The following FER variants were observed in gnomAD, a reference collection of about 807,000 sequenced individuals.
The protein encoded by FER is tyrosine-protein kinase Fer.
Under a neutral mutation model 111.0 loss-of-function variants are expected in FER, and 63 were observed. The observed-to-expected ratio is 0.57, with a 90% confidence interval of 0.46 to 0.70. FER has a LOEUF of 0.70. Among genes scored for constraint, FER ranks in the 30% least tolerant of loss-of-function variants. The pLI is 0.00. For synonymous variants in FER, 327 were observed against 313.9 expected, an observed-to-expected ratio of 1.04 and a Z score of -0.44; for missense variants, 914 against 954.0, an observed-to-expected ratio of 0.96 and a Z score of 0.55.
chr5:109,180,191 C>A (rs531383388), intron 17 of FER, among the ~76,000 whole-genome samples: 1 of 152,260 alleles, frequency 6.6e-6, no homozygotes, highest in African/African-American at 2.4e-5. Flanking sequence ...CCAGATGCAG[C>A]AGAAAAAGAG....
chr5:109,068,987 T>C (rs1013549359), intron 16 of FER, among the ~76,000 whole-genome samples: 1 of 152,346 alleles, frequency 6.6e-6, no homozygotes, highest in African/African-American at 2.4e-5. Flanking sequence ...TTAGTCCAAA[T>C]GTTAACTAAC....
At chr5:108,845,019 T>TATATATATATATATAC (rs1761805002) in intron 5 of FER, among the ~76,000 whole-genome samples, 2 of 51,558 alleles carry the variant, frequency 3.9e-5, no homozygotes, top group Admixed American at 2.7e-4. Context: ...TATATATATA[T>TATATATATATATATAC]ATATATATAT....
intron 6 of FER, 113 bp from the exon 7 acceptor site, chr5:108,871,252 A>G (rs2150246198): frequency 1.3e-6 from 1 of 798,644 alleles, no homozygotes; most frequent in South Asian, 2.0e-5. Flanking sequence ...GGAAACAACC[A>G]TCTGTACATT....
chr5:108,793,786 T>G (rs972169476), intron 2 of FER, among the ~76,000 whole-genome samples: 2 of 123,480 alleles, frequency 1.6e-5, no homozygotes, highest in African/African-American at 4.1e-5. Flanking sequence ...TTTTTTGTAT[T>G]CATTGTATGT....
intron 9 of FER, among the ~76,000 whole-genome samples, chr5:108,891,095 G>A (rs1581073620): frequency 1.3e-5 from 2 of 152,118 alleles, no homozygotes; most frequent in East Asian, 3.9e-4. Flanking sequence ...ATATCTCATT[G>A]TTGTTTTAAT....
chr5:108,992,152 G>A (rs1466549231), intron 13 of FER, among the ~76,000 whole-genome samples: 1 of 152,134 alleles, frequency 6.6e-6, no homozygotes, highest in Non-Finnish European at 1.5e-5. Flanking sequence ...ATTTAACCCT[G>A]AGTGGACACA....
intron 9 of FER, among the ~76,000 whole-genome samples, chr5:108,890,806 T>TTTG (rs1431968853): frequency 1.3e-5 from 2 of 152,156 alleles, no homozygotes; most frequent in Non-Finnish European, 2.9e-5. Flanking sequence ...CTTTGAAGGA[T>TTTG]GTTTGGTTTG....
intron 3 of FER, among the ~76,000 whole-genome samples, chr5:108,831,264 A>AT (rs1185497515): frequency 6.6e-6 from 1 of 152,042 alleles, no homozygotes; most frequent in Non-Finnish European, 1.5e-5. Flanking sequence ...CTCACTTTTT[A>AT]TTTTTTTGTA....
chr5:109,169,098 G>A (rs1404532259), intron 17 of FER, among the ~76,000 whole-genome samples: 2 of 151,988 alleles, frequency 1.3e-5, no homozygotes, highest in South Asian at 2.1e-4. Flanking sequence ...GATTTTTTGT[G>A]GATTACATCA....
chr5:109,044,509 C>T (rs1307256725), intron 14 of FER, among the ~76,000 whole-genome samples, 171 bp from the exon 15 acceptor site: 1 of 152,058 alleles, frequency 6.6e-6, no homozygotes, highest in Non-Finnish European at 1.5e-5. Flanking sequence ...CACAATATGT[C>T]CTAGCCATAG....
At chr5:109,020,357 G>A (rs904924258) in intron 13 of FER, among the ~76,000 whole-genome samples, 7 of 151,620 alleles carry the variant, frequency 4.6e-5, no homozygotes, top group Admixed American at 3.3e-4. Flanking sequence ...CATCTCACTG[G>A]TCTCTACCAC....
Position 108,872,081 on chromosome 5 carries a change from A to C in FER, c.804-12A>C. 6.2e-7 allele frequency: 1 copy of C among 1,607,868 alleles called. No individual in the cohort carries two copies. The highest frequency in any genetic ancestry group is 8.5e-7 in the Non-Finnish European group (1 of 1,177,430). ...TTTACAATGATCAAAATTATTTGCC[A>C]TGCTTTACTAGAACAACGGCTGCTA... is the stretch of plus-strand genomic sequence containing the variant. On this transcript the variant is annotated splice_polypyrimidine_tract_variant and intron_variant, in intron 7 of 19. Coordinates refer to ENST00000281092, the MANE Select transcript of FER (RefSeq NM_005246.4).
At chr5:109,169,744 G>A (rs942134908) in intron 17 of FER, among the ~76,000 whole-genome samples, 15 of 152,184 alleles carry the variant, frequency 9.9e-5, no homozygotes, top group African/African-American at 3.6e-4. Context: ...TGAAGAGTTT[G>A]CCATTTGCCA....
At chr5:109,034,269 A>G (rs1770056291) in intron 13 of FER, among the ~76,000 whole-genome samples, 1 of 152,136 alleles carries the variant, frequency 6.6e-6, no homozygotes, top group African/African-American at 2.4e-5. Flanking sequence ...AGGACACTGA[A>G]ATTCAACTTT....
intron 10 of FER, among the ~76,000 whole-genome samples, chr5:108,900,767 T>C (rs373195477): frequency 5.1e-4 from 78 of 152,336 alleles, no homozygotes; most frequent in African/African-American, 1.7e-3. Context: ...GGTATTCTTA[T>C]AAAGGTTCCA....
rs1770558947 is a variant in FER at position 109,037,465 on chromosome 5, A to C, written c.1700A>C (p.Glu567Ala). 1 of 1,612,000 alleles carries C rather than the reference A, an allele frequency of 6.2e-7. No individual in the cohort carries two copies. The highest frequency in any genetic ancestry group is 8.5e-7 in the Non-Finnish European group (1 of 1,178,460). ...AGTCATGAAGATGTCATATTGGGAG[A>C]ATTACTGGGCAAGGTATGTAATCAA... is the stretch of plus-strand genomic sequence containing the variant. Reference protein sequence around the residue: ...ILSHEDVILGELLGKGNFGEV... With the variant: ...ILSHEDVILGALLGKGNFGEV... The change falls in exon 14 of 20, where the codon GAA becomes GCA. Residue 567 changes from glutamate to alanine, a missense_variant. Physicochemically the swap from Glu to Ala is moderately radical, Grantham distance 107 (BLOSUM62 -1). Transcript: ENST00000281092.
intron 16 of FER, among the ~76,000 whole-genome samples, chr5:109,089,272 C>G (rs1372484989): frequency 6.6e-6 from 1 of 152,094 alleles, no homozygotes; most frequent in African/African-American, 2.4e-5. Flanking sequence ...CTGTTGAACC[C>G]TGGTAGAGAA....
intron 10 of FER, among the ~76,000 whole-genome samples, chr5:108,914,237 G>C (rs879435817): frequency 0.048 from 7,244 of 151,452 alleles, 266 homozygotes; most frequent in African/African-American, 0.11. Context: ...CTCTCTGTGT[G>C]TGTGTGTGTG....
chr5:108,766,062 A>G (rs1752287460), intron 1 of FER, among the ~76,000 whole-genome samples: 1 of 151,784 alleles, frequency 6.6e-6, no homozygotes, highest in Admixed American at 6.6e-5. Context: ...CTCAAGTAGC[A>G]GGGACTACAG....
Sources: allele counts gnomAD v4.1 joint callset (sites outside exome capture counted in the v4.1 genomes callset), GRCh38; gene constraint gnomAD v4.1.1; transcripts MANE v1.5; gene names NCBI Gene and HGNC (gene_info 2026-07-23, HGNC 2026-07-21).